Variants in PTPRN2 observed in about 807,000 individuals in gnomAD.
PTPRN2 encodes the protein protein tyrosine phosphatase receptor type N2, also known as receptor-type tyrosine-protein phosphatase N2.
A neutral mutation model predicts 118.8 loss-of-function variants in PTPRN2; 74 were observed. That is an observed-to-expected ratio of 0.62 (90% confidence interval 0.52 to 0.76). The LOEUF (loss-of-function observed/expected upper bound fraction) is 0.76. Among genes scored for constraint, PTPRN2 ranks in the 30% least tolerant of loss-of-function variants. The pLI, the probability that PTPRN2 is intolerant of heterozygous loss-of-function variation, is 0.00. For synonymous variants in PTPRN2, 641 were observed against 608.0 expected (o/e 1.05, Z -0.80); for missense variants, 1,481 against 1,394.4 (o/e 1.06, Z -0.99).
chr7:157,879,101 G>A (rs1305094605), intron 12 of PTPRN2, among the ~76,000 whole-genome samples: 2 of 141,446 alleles, frequency 1.4e-5, no homozygotes. Context: ...GTGTGATACC[G>A]TGCACCCACA....
chr7:157,866,836 C>CT (rs1382162672), intron 12 of PTPRN2, among the ~76,000 whole-genome samples: 1 of 125,340 alleles, frequency 8.0e-6, no homozygotes, highest in Middle Eastern at 5.0e-3. Flanking sequence ...CACCGCCCCC[C>CT]CCCGACGCCC....
intron 11 of PTPRN2, among the ~76,000 whole-genome samples, chr7:157,912,062 G>A (rs576847157): frequency 6.6e-6 from 1 of 152,190 alleles, no homozygotes; most frequent in African/African-American, 2.4e-5. Flanking sequence ...CTTCTCACAC[G>A]TGTCTCCAGG....
chr7:158,245,001 T>G (rs1796126916), intron 3 of PTPRN2, among the ~76,000 whole-genome samples: 1 of 152,196 alleles, frequency 6.6e-6, no homozygotes, highest in Non-Finnish European at 1.5e-5. Flanking sequence ...CCTGGCTGTG[T>G]CATGTGGACA....
At chr7:158,144,433 T>G (rs1220679873) in intron 6 of PTPRN2, among the ~76,000 whole-genome samples, 1 of 151,912 alleles carries the variant, frequency 6.6e-6, no homozygotes, top group African/African-American at 2.4e-5. Flanking sequence ...AGCCTAGGAG[T>G]TGGAGACCAG....
chr7:157,711,569 C>G (rs577673472), intron 12 of PTPRN2, among the ~76,000 whole-genome samples: 93 of 152,310 alleles, frequency 6.1e-4, no homozygotes, highest in African/African-American at 2.2e-3. Context: ...CACTCCATGC[C>G]CTCCTTCCCT....
At chr7:158,247,967 G>A (rs1796369025) in intron 3 of PTPRN2, among the ~76,000 whole-genome samples, 1 of 152,158 alleles carries the variant, frequency 6.6e-6, no homozygotes, top group Admixed American at 6.5e-5. Flanking sequence ...CCTGGAGAGA[G>A]GAGCGGGAGG....
intron 2 of PTPRN2, among the ~76,000 whole-genome samples, chr7:158,448,684 C>A (rs981428714): frequency 6.6e-6 from 1 of 152,182 alleles, no homozygotes; most frequent in Admixed American, 6.5e-5. Context: ...GACAAGTGTT[C>A]CCCGGGGCTC....
intron 3 of PTPRN2, among the ~76,000 whole-genome samples, chr7:158,216,955 T>A (rs1432730168): frequency 6.6e-6 from 1 of 152,264 alleles, no homozygotes; most frequent in Non-Finnish European, 1.5e-5. Context: ...TGGGGAAATA[T>A]AACAACATGT....
rs549789963 is a variant in PTPRN2, at chr7:157,785,394, G to A, written c.1789-102457C>T. 1.1e-4 allele frequency among the ~76,000 whole-genome samples: 17 copies of A among 152,298 alleles called. No individual in the cohort carries two copies. The highest frequency in any genetic ancestry group is 2.0e-4 in the Admixed American group (3 of 15,308). ...GGTGCTCCAAAACGAAATCGCCCCC[G>A]AGGATGAAAGGGGGTGGTGGAAAAG... On this transcript the variant is annotated intron_variant, in intron 12 of 22. Transcript: ENST00000389418. This position sits in a 1 kb window ranked among gnomAD's most constrained non-coding sequence, Gnocchi z 7.3.
In PTPRN2 at chr7:158,003,156, T is replaced by G. The variant is rs962420382; in HGVS notation, c.1723+78142A>C. On this transcript the variant is annotated intron_variant, in intron 11 of 22. Transcript: ENST00000389418. The surrounding 1 kb of genome is among the most constrained non-coding windows in gnomAD (Gnocchi z 5.0). ...AAGGCCGGGCGCGGTGGCTCACGCCTGTAATCCCAGCACTTTGGGAGGCCG... is the reference window on the plus strand; with the variant it reads ...AAGGCCGGGCGCGGTGGCTCACGCCGGTAATCCCAGCACTTTGGGAGGCCG... Among the ~76,000 whole-genome samples the G allele has an allele frequency of 6.6e-6, 1 of 152,100 alleles. No homozygotes were observed. The highest frequency in any genetic ancestry group is 2.4e-5 in the African/African-American group (1 of 41,440).
intron 1 of PTPRN2, 74 bp downstream of exon 1, chr7:158,587,484 T>G: frequency 5.7e-6 from 4 of 696,536 alleles, no homozygotes; most frequent in East Asian, 2.7e-4. Context: ...CCAGACCCCC[T>G]CACGGAGGCG....
At chr7:158,078,793 C>T (rs1423029570) in intron 11 of PTPRN2, among the ~76,000 whole-genome samples, 1 of 152,264 alleles carries the variant, frequency 6.6e-6, no homozygotes, top group Non-Finnish European at 1.5e-5. Flanking sequence ...CACTGCCTAC[C>T]TGCAAGATCT....
intron 11 of PTPRN2, among the ~76,000 whole-genome samples, chr7:157,926,327 G>A (rs1286259986): frequency 1.3e-5 from 2 of 150,784 alleles, no homozygotes; most frequent in Admixed American, 6.6e-5. Flanking sequence ...GGGTCCATGC[G>A]TCACGTCCCT....
Position 158,110,829 on chromosome 7 carries a change from T to C in PTPRN2, c.1643A>G (p.Glu548Gly). The change falls in exon 10 of 23, where the codon GAG becomes GGG. Residue 548 changes from glutamate (E) to glycine (G), a missense_variant and splice_region_variant. Glu to Gly is a moderately conservative substitution (Grantham distance 98). Transcript: ENST00000389418. ...QVPSSAFADV[E>G]VLGPAVTFKV... ...AGAAACCCCAGGGCCCCGTACTTAC[T>C]CCACGTCAGCGAACGCACTGCTGGG... 13 of 1,582,426 alleles carry C rather than the reference T, an allele frequency of 8.2e-6. No individual in the cohort carries two copies. Among genetic ancestry groups the C allele is most frequent in the Non-Finnish European group, 1.1e-5 (13 of 1,163,482 alleles).
chr7:158,174,481 T>G (rs750618237), intron 5 of PTPRN2, among the ~76,000 whole-genome samples: 49 of 150,752 alleles, frequency 3.3e-4, no homozygotes, highest in Non-Finnish European at 3.2e-4. Flanking sequence ...CTTCCCACCA[T>G]CATCATCATC....
intron 1 of PTPRN2, among the ~76,000 whole-genome samples, chr7:158,566,714 T>A (rs1329919355): frequency 6.6e-6 from 1 of 152,154 alleles, no homozygotes; most frequent in East Asian, 1.9e-4. Context: ...TTTTTTTGTT[T>A]TGTTTTGTTT....
chr7:158,466,983 G>C (rs1003346879), intron 2 of PTPRN2, among the ~76,000 whole-genome samples: 1 of 152,248 alleles, frequency 6.6e-6, no homozygotes, highest in Non-Finnish European at 1.5e-5. Flanking sequence ...AGAGGTTGCA[G>C]TGAGCTGAGA....
intron 2 of PTPRN2, among the ~76,000 whole-genome samples, chr7:158,326,971 TCACATGCACATA>T: frequency 7.3e-6 from 1 of 136,896 alleles, no homozygotes; most frequent in Non-Finnish European, 1.6e-5. Context: ...ACGCACACAT[TCACATGCACATA>T]CACATTCTCA....
At chr7:158,554,194 A>C (rs375568980) in intron 1 of PTPRN2, among the ~76,000 whole-genome samples, 3 of 152,224 alleles carry the variant, frequency 2.0e-5, no homozygotes, top group African/African-American at 7.2e-5. Context: ...TGAACCTGGG[A>C]GGCGGAGTTG....
Sources: gnomAD v4.1 joint callset for allele counts (sites outside exome capture counted in the v4.1 genomes callset) on GRCh38, gnomAD v4.1.1 for gene constraint, Gnocchi (gnomAD v3.1) non-coding constraint, MANE v1.5 for transcripts, NCBI Gene and HGNC (gene_info 2026-07-23, HGNC 2026-07-21) for gene names.